Variants in TMEM131L observed in about 807,000 individuals in gnomAD.
TMEM131L encodes transmembrane 131 like, also known as transmembrane protein 131-like.
Under a neutral mutation model 192.2 loss-of-function variants are expected in TMEM131L, and 54 were observed. The observed-to-expected ratio is 0.28, with a 90% CI of 0.23 to 0.35. The LOEUF (loss-of-function observed/expected upper bound fraction) is 0.35, where lower values mean the gene tolerates loss of function less well. Among genes scored for constraint, TMEM131L ranks in the 10% least tolerant of loss-of-function variants. The probability of loss-of-function intolerance (pLI) is 1.00; values close to 1 mark genes in which losing one functional copy is unlikely to be tolerated. For missense variants in TMEM131L, 1,888 were observed against 1,972.9 expected (o/e 0.96, Z 0.82); for synonymous variants, 701 against 704.9 (o/e 0.99, Z 0.09).
intron 24 of TMEM131L, 48 bp downstream of exon 24, chr4:153,603,500 T>C (rs1375286915): frequency 1.0e-5 from 16 of 1,540,752 alleles, no homozygotes; most frequent in Non-Finnish European, 1.2e-5. Flanking sequence ...TTTCTCACTT[T>C]TGATATTACT....
At chr4:153,625,008 A>G (rs1169395750) in intron 29 of TMEM131L, among the ~76,000 whole-genome samples, 1 of 152,166 alleles carries the variant, frequency 6.6e-6, no homozygotes, top group Non-Finnish European at 1.5e-5. Context: ...CTTTTTAGAC[A>G]TTGTTGTCTT....
chr4:153,519,431 A>G (rs183131450), intron 3 of TMEM131L, among the ~76,000 whole-genome samples: 3 of 152,334 alleles, frequency 2.0e-5, no homozygotes, highest in Admixed American at 2.0e-4. Flanking sequence ...AGTGTTACTC[A>G]AACTTTAGGT....
At chr4:153,521,579 G>T (rs935497713) in intron 3 of TMEM131L, among the ~76,000 whole-genome samples, 4 of 152,102 alleles carry the variant, frequency 2.6e-5, no homozygotes, top group Non-Finnish European at 5.9e-5. Context: ...GTTGAGTGGC[G>T]TTAAGTATAC....
At chr4:153,474,654 CA>C (rs1731400047) in intron 3 of TMEM131L, among the ~76,000 whole-genome samples, 1 of 152,224 alleles carries the variant, frequency 6.6e-6, no homozygotes, top group South Asian at 2.1e-4. Context: ...CTCCTGGGTT[CA>C]AGCAATTCTC....
chr4:153,524,506 A>G (rs1163391928), intron 3 of TMEM131L, among the ~76,000 whole-genome samples: 1 of 152,090 alleles, frequency 6.6e-6, no homozygotes, highest in Non-Finnish European at 1.5e-5. Context: ...TTATATTTTT[A>G]TGAGCTTTAT....
intron 21 of TMEM131L, among the ~76,000 whole-genome samples, chr4:153,600,016 C>T (rs891587645): frequency 5.3e-5 from 8 of 151,728 alleles, no homozygotes; most frequent in Non-Finnish European, 8.8e-5. Flanking sequence ...CCAGCCTGGA[C>T]GACAAGAGTG....
At chr4:153,587,869 T>A in intron 15 of TMEM131L, 58 bp downstream of exon 15, 1 of 1,167,220 alleles carries the variant, frequency 8.6e-7, no homozygotes, top group Non-Finnish European at 1.3e-6. Context: ...TGGGAAATAG[T>A]GAGGAAAATT....
At chr4:153,530,002 A>G (rs894711870) in intron 3 of TMEM131L, among the ~76,000 whole-genome samples, 1 of 150,312 alleles carries the variant, frequency 6.7e-6, no homozygotes, top group Non-Finnish European at 1.5e-5. Flanking sequence ...TTCCATTTGC[A>G]GCCTCTAAAA....
chr4:153,589,634 A>G (rs1730934292), intron 16 of TMEM131L, among the ~76,000 whole-genome samples: 3 of 152,222 alleles, frequency 2.0e-5, no homozygotes, highest in Admixed American at 6.5e-5. Context: ...AACTTTGGAA[A>G]GCAAAACTGC....
At chr4:153,632,627 A>C in intron 31 of TMEM131L, 91 bp from the exon 32 acceptor site, 4 of 1,451,260 alleles carry the variant, frequency 2.8e-6, no homozygotes, top group Non-Finnish European at 3.8e-6. Flanking sequence ...GACATTAGGG[A>C]GTGTTTTCTG....
Position 153,499,027 on chromosome 4 carries a change from C to G in TMEM131L, c.239+25139C>G, listed in dbSNP as rs192816095. 4.1e-4 allele frequency among the ~76,000 whole-genome samples: 63 copies of G among 152,264 alleles called. 1 individual carries two copies. Among genetic ancestry groups the G allele is most frequent in the African/African-American group, 1.3e-3 (54 of 41,566 alleles). Reference sequence around the variant, plus strand: ...AGTATTAACGTTTGTTTTTGTTGTCCTTTTCCTTGAATGTAGTCTTACGTA... The same window carrying G: ...AGTATTAACGTTTGTTTTTGTTGTCGTTTTCCTTGAATGTAGTCTTACGTA... On this transcript the variant is annotated intron_variant, in intron 3 of 34. Transcript: ENST00000409959.
In TMEM131L at chr4:153,580,822, T is replaced by C; in HGVS notation, c.661-4T>C. 2 of 1,601,238 alleles carry C rather than the reference T, an allele frequency of 1.2e-6. No homozygotes were observed. Among genetic ancestry groups the C allele is most frequent in the Non-Finnish European group, 1.7e-6 (2 of 1,169,118 alleles). ...GTTCTTTTCCTCCTTTTTTCTTCTT[T>C]TAGGCAGAAACCACTAATACTAGCC... On this transcript the variant is annotated splice_region_variant and splice_polypyrimidine_tract_variant and intron_variant, in intron 7 of 34. Transcript: ENST00000409959.
At chr4:153,541,328 A>T (rs1403156222) in intron 3 of TMEM131L, among the ~76,000 whole-genome samples, 1 of 152,258 alleles carries the variant, frequency 6.6e-6, no homozygotes, top group Non-Finnish European at 1.5e-5. Context: ...AATGTATTTT[A>T]AAATTCTTTG....
intron 3 of TMEM131L, among the ~76,000 whole-genome samples, chr4:153,498,607 C>T (rs976570775): frequency 3.9e-5 from 6 of 152,120 alleles, no homozygotes; most frequent in African/African-American, 1.4e-4. Flanking sequence ...TCTCTCTTCA[C>T]AAGATGCAAA....
chr4:153,598,292 A>T (rs902328414), intron 20 of TMEM131L, among the ~76,000 whole-genome samples: 1 of 151,748 alleles, frequency 6.6e-6, no homozygotes, highest in Non-Finnish European at 1.5e-5. Flanking sequence ...TCTAGTTATT[A>T]GAAAAATATA....
At chr4:153,494,676 C>T (rs1733035776) in intron 3 of TMEM131L, among the ~76,000 whole-genome samples, 1 of 152,218 alleles carries the variant, frequency 6.6e-6, no homozygotes, top group Non-Finnish European at 1.5e-5. Flanking sequence ...TGTTGCAGAC[C>T]TTGCCTATGG....
intron 3 of TMEM131L, among the ~76,000 whole-genome samples, chr4:153,486,217 G>C (rs1732320537): frequency 6.6e-6 from 1 of 152,138 alleles, no homozygotes; most frequent in South Asian, 2.1e-4. Flanking sequence ...ATATTTTACT[G>C]TATGCTAGAT....
intron 22 of TMEM131L, 33 bp downstream of exon 22, chr4:153,602,371 T>A: frequency 6.3e-7 from 1 of 1,599,572 alleles, no homozygotes; most frequent in Non-Finnish European, 8.5e-7. Flanking sequence ...ATTTCAGTTT[T>A]GTGGTGCGTT....
chr4:153,521,932 CA>C (rs1416710512), intron 3 of TMEM131L, among the ~76,000 whole-genome samples: 1 of 144,480 alleles, frequency 6.9e-6, no homozygotes, highest in Non-Finnish European at 1.5e-5. Context: ...TACAGTTTTT[CA>C]ACAGTATACA....
Sources: allele counts gnomAD v4.1 joint callset (sites outside exome capture counted in the v4.1 genomes callset), GRCh38; gene constraint gnomAD v4.1.1; transcripts MANE v1.5; gene names NCBI Gene and HGNC (gene_info 2026-07-23, HGNC 2026-07-21).